Variants in UHRF2 observed in about 807,000 individuals in gnomAD.
UHRF2 encodes E3 ubiquitin-protein ligase UHRF2.
A neutral mutation model predicts 96.8 loss-of-function variants in UHRF2; 23 were observed. The observed-to-expected ratio is 0.24, with a 90% confidence interval of 0.17 to 0.34. UHRF2 has a LOEUF of 0.34. Among genes scored for constraint, UHRF2 ranks in the 10% least tolerant of loss-of-function variants. The pLI is 1.00. For missense variants in UHRF2, 685 were observed against 981.5 expected (o/e 0.70, Z 4.04); for synonymous variants, 385 against 332.6 (o/e 1.16, Z -1.72).
intron 3 of UHRF2, among the ~76,000 whole-genome samples, chr9:6,444,324 G>A (rs1821361042): frequency 6.6e-6 from 1 of 152,286 alleles, no homozygotes; most frequent in African/African-American, 2.4e-5. Context: ...CTGAGTGGAT[G>A]GTAATCAAAA....
Position 6,498,048 on chromosome 9 carries a change from A to T in UHRF2, c.1798A>T (p.Ser600Cys). ...GAAATACTGGCCAGAGATTTCATCAAGCCATGGATTCTTGGTTTGGCGCTA... is the reference window on the plus strand; with the variant it reads ...GAAATACTGGCCAGAGATTTCATCATGCCATGGATTCTTGGTTTGGCGCTA... ...VVKYWPEISS[S>C]HGFLVWRYLL... is the part of the protein sequence containing the mutation. The change falls in exon 12 of 16, where the codon AGC (serine) becomes TGC (cysteine). Residue 600 changes from serine to cysteine, a missense_variant. Ser to Cys is a moderately radical substitution (Grantham distance 112). Coordinates refer to ENST00000276893, the MANE Select transcript of UHRF2 (RefSeq NM_152896.3). The T allele has an allele frequency of 6.2e-7, 1 of 1,613,310 alleles. No homozygotes were observed. The highest frequency in any genetic ancestry group is 8.5e-7 in the Non-Finnish European group (1 of 1,179,940).
At position 6,434,367 on chromosome 9, in the gene UHRF2, A is replaced by G. The variant is rs550927377; in HGVS notation, c.644+194A>G. 1.2e-5 allele frequency: 7 copies of G among 598,416 alleles called. No individual in the cohort carries two copies. The South Asian group carries it at 1.8e-4, about 15-fold the overall frequency. 37.1% of individuals were successfully genotyped at this position (598,416 alleles called of 1,614,324 possible). A position where few individuals can be genotyped will look rare whatever the true frequency, so the allele number is the denominator to read the frequency against. ...AGCTCTCGATTATCTCTGGTTCTTA[A>G]GTGGTTTATTTTTTAGTATCACAAT... is the stretch of plus-strand genomic sequence containing the variant. On this transcript the variant is annotated intron_variant, in intron 3 of 15. Coordinates refer to ENST00000276893, the MANE Select transcript of UHRF2 (RefSeq NM_152896.3).
intron 3 of UHRF2, 46 bp downstream of exon 3, chr9:6,434,219 A>G (rs745342236): frequency 1.9e-6 from 3 of 1,552,228 alleles, no homozygotes; most frequent in Non-Finnish European, 1.7e-6. Flanking sequence ...TTTCATTTGT[A>G]GAAACCAAAG....
At chr9:6,448,772 G>T (rs933814881) in intron 3 of UHRF2, among the ~76,000 whole-genome samples, 23 of 152,216 alleles carry the variant, frequency 1.5e-4, no homozygotes, top group African/African-American at 5.3e-4. Flanking sequence ...TAAGAATGTG[G>T]TAGGTTGTGG....
intron 4 of UHRF2, among the ~76,000 whole-genome samples, chr9:6,469,508 C>A (rs986788786): frequency 6.6e-6 from 1 of 151,494 alleles, no homozygotes; most frequent in African/African-American, 2.4e-5. Flanking sequence ...CAGAGCGAGA[C>A]TCTGTCTCAA....
At chr9:6,441,260 G>C (rs1821145090) in intron 3 of UHRF2, among the ~76,000 whole-genome samples, 1 of 152,082 alleles carries the variant, frequency 6.6e-6, no homozygotes, top group Non-Finnish European at 1.5e-5. Context: ...TGTAGTCCCA[G>C]CTACTCGGGA....
Position 6,469,715 on chromosome 9 carries a change from CAT to C in UHRF2, c.864-5671_864-5670del, listed in dbSNP as rs1213727136. ...ACACGTATATACATACATATACACA[CAT>C]ATATGTGCATATATACGTGTATATA... is the stretch of plus-strand genomic sequence containing the variant. On this transcript the variant is annotated intron_variant, in intron 4 of 15. Transcript: ENST00000276893. 8.7e-4 allele frequency among the ~76,000 whole-genome samples: 79 copies of C among 91,020 alleles called. 1 individual carries two copies. Among genetic ancestry groups the C allele is most frequent in the Middle Eastern group, 0.01 (2 of 194 alleles). The allele number at this position is 91,020 out of a possible 152,430, so 59.7% of individuals were successfully genotyped here.
chr9:6,480,752 G>A (rs1331433863), intron 6 of UHRF2, among the ~76,000 whole-genome samples: 1 of 152,096 alleles, frequency 6.6e-6, no homozygotes, highest in Admixed American at 6.6e-5. Flanking sequence ...AACTAGAAAG[G>A]ACTTTACTTC....
Position 6,454,519 on chromosome 9 carries a change from C to T in UHRF2, c.645-6054C>T, listed in dbSNP as rs978148637. 9.9e-5 allele frequency among the ~76,000 whole-genome samples: 15 copies of T among 152,164 alleles called. No homozygotes were observed. The South Asian group carries it at 3.1e-3, about 31-fold the overall frequency. On this transcript the variant is annotated intron_variant, in intron 3 of 15. Transcript: ENST00000276893. ...CCTTCTCTTTCCTATGTCAGAACTACGTGAACACAGAGTGGCTTTTCTTAG... is the reference window on the plus strand; with the variant it reads ...CCTTCTCTTTCCTATGTCAGAACTATGTGAACACAGAGTGGCTTTTCTTAG...
At chr9:6,446,062 G>A (rs893659574) in intron 3 of UHRF2, among the ~76,000 whole-genome samples, 3 of 141,164 alleles carry the variant, frequency 2.1e-5, no homozygotes, top group Non-Finnish European at 3.0e-5. Context: ...GCATGATCTC[G>A]GCTCACTGCT....
intron 3 of UHRF2, among the ~76,000 whole-genome samples, chr9:6,448,820 A>G: frequency 6.6e-6 from 1 of 152,236 alleles, no homozygotes; most frequent in East Asian, 1.9e-4. Flanking sequence ...TAAGCCTTGA[A>G]TGTCACCTTT....
Position 6,451,158 on chromosome 9 carries a change from A to G in UHRF2, c.645-9415A>G, listed in dbSNP as rs558110621. The stretch of plus-strand genomic sequence containing the variant: ...TAACAATACTTTCATATTGCAAACA[A>G]TAGGACTACTGAAAAGTTACGTGTT... On this transcript the variant is annotated intron_variant, in intron 3 of 15. Transcript: ENST00000276893. Among the ~76,000 whole-genome samples the G allele has an allele frequency of 5.3e-5, 8 of 152,280 alleles. No homozygotes were observed. The South Asian group carries it at 8.3e-4, about 16-fold the overall frequency.
At chr9:6,431,877 A>G (rs771781627) in intron 2 of UHRF2, among the ~76,000 whole-genome samples, 4 of 152,204 alleles carry the variant, frequency 2.6e-5, no homozygotes, top group African/African-American at 4.8e-5. Flanking sequence ...TTACCATTTT[A>G]GTATCAACTA....
At chr9:6,493,294 T>TC (rs200524960) in intron 9 of UHRF2, among the ~76,000 whole-genome samples, 3,449 of 151,698 alleles carry the variant, frequency 0.023, 127 homozygotes, top group African/African-American at 0.079. Context: ...CAAGACTCTG[T>TC]TTAAAAAAAA....
chr9:6,449,082 A>G (rs1821696301), intron 3 of UHRF2, among the ~76,000 whole-genome samples: 1 of 152,138 alleles, frequency 6.6e-6, no homozygotes, highest in East Asian at 1.9e-4. Flanking sequence ...ACCTTATATG[A>G]TTTCCATTGC....
At chr9:6,430,455 G>A (rs1820503942) in intron 2 of UHRF2, among the ~76,000 whole-genome samples, 1 of 152,104 alleles carries the variant, frequency 6.6e-6, no homozygotes, top group South Asian at 2.1e-4. Flanking sequence ...ATTTTATGAT[G>A]TTTTGACATC....
intron 4 of UHRF2, among the ~76,000 whole-genome samples, chr9:6,469,274 C>G (rs1440121511): frequency 6.6e-6 from 1 of 152,158 alleles, no homozygotes; most frequent in Non-Finnish European, 1.5e-5. Context: ...AATCCCAGCA[C>G]TTTGGGAGGC....
In UHRF2 at chr9:6,507,025, AC is replaced by A. The variant is rs1356944772; in HGVS notation, c.*848del. 1 of 152,268 alleles carries A rather than the reference AC, an allele frequency of 6.6e-6. No individual in the cohort carries two copies. Among genetic ancestry groups the A allele is most frequent in the African/African-American group, 2.4e-5 (1 of 41,402 alleles). 9.4% of individuals were successfully genotyped at this position (152,268 alleles called of 1,614,324 possible). On this transcript the variant is annotated 3_prime_UTR_variant, in exon 16 of 16. Transcript: ENST00000276893. ...ATATTCACTATATTCCCTAAAGTAT[AC>A]CTTAATAAATATTTTATGATCAGAA...
intron 11 of UHRF2, 123 bp from the exon 12 acceptor site, chr9:6,497,895 T>G: frequency 7.9e-7 from 1 of 1,260,012 alleles, no homozygotes; most frequent in East Asian, 2.4e-5. Flanking sequence ...TTACTGTCCT[T>G]ACAGCAAAGC....
Sources: gnomAD v4.1 joint callset for allele counts (sites outside exome capture counted in the v4.1 genomes callset) on GRCh38, gnomAD v4.1.1 for gene constraint, MANE v1.5 for transcripts, NCBI Gene and HGNC (gene_info 2026-07-23, HGNC 2026-07-21) for gene names.